Variants in EML6 observed in about 807,000 individuals in gnomAD.
EML6 encodes echinoderm microtubule-associated protein-like 6.
EML6 carries 154 observed loss-of-function variants against 240.1 expected under a neutral mutation model. The observed-to-expected ratio is 0.64, with a 90% CI of 0.56 to 0.73. EML6 has a LOEUF of 0.73. Among genes scored for constraint, EML6 ranks in the 30% least tolerant of loss-of-function variants. The pLI is 0.00. For missense variants in EML6, 2,964 were observed against 2,474.6 expected (o/e 1.20, Z -4.20); for synonymous variants, 1,148 against 899.0 (o/e 1.28, Z -4.95).
intron 10 of EML6, among the ~76,000 whole-genome samples, chr2:54,853,144 A>G (rs1156868579): frequency 1.3e-5 from 2 of 152,230 alleles, no homozygotes; most frequent in Non-Finnish European, 2.9e-5. Flanking sequence ...ATTATGAAAA[A>G]TAGAAGTTCA....
chr2:54,903,397 T>C lies in EML6; in HGVS notation c.3304T>C (p.Ser1102Pro). Residue 1102 changes from serine to proline, a missense_variant, in exon 24 of 42, where the codon TCC becomes CCC. Physicochemically the swap from Ser to Pro is moderately conservative, Grantham distance 74 (BLOSUM62 -1). Coordinates refer to ENST00000356458, the MANE Select transcript of EML6 (RefSeq NM_001039753.4). ...TACGGGAAAATACCTTGCCGTGGCA[T>C]CCCATGATAACTTTGTGGATATTTA... is the stretch of plus-strand genomic sequence containing the variant. Reference protein sequence around the residue: ...KDTGKYLAVASHDNFVDIYNV... With the variant: ...KDTGKYLAVAPHDNFVDIYNV... 6.4e-7 allele frequency: 1 copy of C among 1,551,730 alleles called. No individual in the cohort carries two copies. The highest frequency in any genetic ancestry group is 8.7e-7 in the Non-Finnish European group (1 of 1,146,960).
At chr2:54,789,239 C>T (rs550271190) in intron 2 of EML6, among the ~76,000 whole-genome samples, 2 of 151,994 alleles carry the variant, frequency 1.3e-5, no homozygotes, top group Non-Finnish European at 2.9e-5. Context: ...TCCGGCCGGG[C>T]GCGGTGGCTC....
intron 2 of EML6, among the ~76,000 whole-genome samples, chr2:54,737,521 A>G (rs1683450658): frequency 6.6e-6 from 1 of 151,262 alleles, no homozygotes; most frequent in Non-Finnish European, 1.5e-5. Context: ...CTGGTCTTGA[A>G]CTCCTGACCT....
intron 7 of EML6, among the ~76,000 whole-genome samples, chr2:54,841,101 G>A (rs576391288): frequency 0.042 from 946 of 22,724 alleles, 7 homozygotes; most frequent in African/African-American, 0.18. Flanking sequence ...GGACAAGGAG[G>A]GGGGGCTGTG....
intron 5 of EML6, among the ~76,000 whole-genome samples, chr2:54,823,295 A>G (rs908284231): frequency 1.3e-5 from 2 of 152,104 alleles, no homozygotes; most frequent in Non-Finnish European, 2.9e-5. Context: ...TTTGGTAGGA[A>G]GGGTCGGGAG....
At chr2:54,752,450 C>T (rs1684218727) in intron 2 of EML6, among the ~76,000 whole-genome samples, 1 of 152,170 alleles carries the variant, frequency 6.6e-6, no homozygotes, top group Non-Finnish European at 1.5e-5. Context: ...CCTACCACTT[C>T]CCAGTCATTA....
At chr2:54,885,037 G>A (rs554133851) in intron 17 of EML6, among the ~76,000 whole-genome samples, 1 of 152,014 alleles carries the variant, frequency 6.6e-6, no homozygotes, top group Non-Finnish European at 1.5e-5. Context: ...TGGTGCTGTA[G>A]TCCCAGCTGC....
At chr2:54,762,873 TG>T (rs1156270164) in intron 2 of EML6, among the ~76,000 whole-genome samples, 1 of 152,212 alleles carries the variant, frequency 6.6e-6, no homozygotes, top group Admixed American at 6.5e-5. Flanking sequence ...TGATCATTGC[TG>T]TGCCAGAATG....
chr2:54,758,976 A>G (rs1271074874), intron 2 of EML6, among the ~76,000 whole-genome samples: 9 of 151,732 alleles, frequency 5.9e-5, no homozygotes, highest in African/African-American at 1.9e-4. Flanking sequence ...ACTTCCACAT[A>G]TAGTACATAA....
chr2:54,809,668 T>G (rs753329621), intron 2 of EML6, among the ~76,000 whole-genome samples: 1 of 152,176 alleles, frequency 6.6e-6, no homozygotes, highest in Non-Finnish European at 1.5e-5. Flanking sequence ...GAACTAAAAT[T>G]CCAAAGATGT....
chr2:54,762,535 T>G (rs1266020647), intron 2 of EML6, among the ~76,000 whole-genome samples: 1 of 152,192 alleles, frequency 6.6e-6, no homozygotes, highest in Non-Finnish European at 1.5e-5. Context: ...AGATTTAGTA[T>G]CCGTTGCTAA....
Position 54,928,745 on chromosome 2 carries a change from A to G in EML6, c.3998A>G (p.Glu1333Gly), listed in dbSNP as rs1674698021. Residue 1333 changes from glutamate to glycine, a missense_variant, in exon 28 of 42, where the codon GAA becomes GGA. Glu to Gly is a moderately conservative substitution (Grantham distance 98). Coordinates refer to ENST00000356458, the MANE Select transcript of EML6 (RefSeq NM_001039753.4). ...CAGCAGCTGAAGGAAGTTTCCGTGG[A>G]AGAAAGGTATGGTGTTGCCAGGTTT... ...PHQQLKEVSV[E>G]ERPPVSRAAP... 6.4e-7 allele frequency: 1 copy of G among 1,551,842 alleles called. No individual in the cohort carries two copies.
intron 2 of EML6, among the ~76,000 whole-genome samples, chr2:54,743,675 CTT>C (rs903849082): frequency 2.6e-5 from 4 of 152,120 alleles, no homozygotes; most frequent in Non-Finnish European, 4.4e-5. Flanking sequence ...AGTCTCTAAA[CTT>C]TTTTTGATTG....
At position 54,725,342 on chromosome 2, in the gene EML6, G is replaced by A. The variant is rs941469857; in HGVS notation, c.197+84G>A. 3 of 1,063,974 alleles carry A rather than the reference G, an allele frequency of 2.8e-6. No individual in the cohort carries two copies. The highest frequency in any genetic ancestry group is 3.4e-5 in the African/African-American group (2 of 59,614). The allele number at this position is 1,063,974 out of a possible 1,614,324, so 65.9% of individuals were successfully genotyped here. A position where few individuals can be genotyped will look rare whatever the true frequency, so the allele number is the denominator to read the frequency against. On this transcript the variant is annotated intron_variant, in intron 2 of 41. Coordinates refer to ENST00000356458, the MANE Select transcript of EML6 (RefSeq NM_001039753.4). This position sits in a 1 kb window ranked among gnomAD's most constrained non-coding sequence, Gnocchi z 4.3. Reference sequence around the variant, plus strand: ...AAGCGGTTGACCTGGGGTCGGATCCGGGAGCCCCGTGGAATAGAGGATTCT... The same window carrying A: ...AAGCGGTTGACCTGGGGTCGGATCCAGGAGCCCCGTGGAATAGAGGATTCT...
Position 54,950,778 on chromosome 2 carries a change from A to T in EML6, c.4212A>T (p.Thr1404=), listed in dbSNP as rs1291757933. The change falls in exon 30 of 42, where the codon ACA becomes ACT. Residue 1404 remains threonine (T), a splice_region_variant and synonymous_variant. Coordinates refer to ENST00000356458, the MANE Select transcript of EML6 (RefSeq NM_001039753.4). Reference sequence around the variant, plus strand: ...CTGGCATCGTTCAGAACCTCTCCACAGGTAACCGGGGGTTAAAAAATACAG... The same window carrying T: ...CTGGCATCGTTCAGAACCTCTCCACTGGTAACCGGGGGTTAAAAAATACAG... ...AAAGIVQNLS[T]GSQSFYLEHT... is the part of the protein sequence containing the mutation. 1 of 1,549,834 alleles carries T rather than the reference A, an allele frequency of 6.5e-7. No homozygotes were observed. The highest frequency in any genetic ancestry group is 2.4e-5 in the East Asian group (1 of 40,898).
In EML6 at chr2:54,968,582, G is replaced by A. The variant is rs147502012; in HGVS notation, c.5752-86G>A. On this transcript the variant is annotated intron_variant, in intron 40 of 41. Transcript: ENST00000356458. ...TCCCCAGTGAAGGAAGGTTCTGGGA[G>A]CAGGGGATTTGAGTGCTGGAAGTAG... The A allele has an allele frequency of 5.8e-4, 469 of 808,732 alleles. 4 individuals are homozygous for A. The East Asian group carries it at 8.8e-3, about 15-fold the overall frequency. 50.1% of individuals were successfully genotyped at this position (808,732 alleles called of 1,614,324 possible).
chr2:54,847,868 G>C (rs1038665866), intron 9 of EML6, among the ~76,000 whole-genome samples: 1 of 152,152 alleles, frequency 6.6e-6, no homozygotes. Context: ...TTATAATCTA[G>C]TAATCTCTTA....
At chr2:54,961,184 G>GTTTTGTTTTTTTTTTTTTTTTTTTTT (rs1676485268) in intron 35 of EML6, among the ~76,000 whole-genome samples, 1 of 55,424 alleles carries the variant, frequency 1.8e-5, no homozygotes, top group Non-Finnish European at 3.2e-5. Context: ...TCAGGAAGTA[G>GTTTTGTTTTTTTTTTTTTTTTTTTTT]TTTTTTTTTT....
intron 38 of EML6, among the ~76,000 whole-genome samples, chr2:54,966,408 C>G (rs1457713309): frequency 6.6e-6 from 1 of 152,178 alleles, no homozygotes; most frequent in African/African-American, 2.4e-5. Flanking sequence ...GGAAGCTGAA[C>G]AGGAAGGGCA....
Sources: allele counts gnomAD v4.1 joint callset (sites outside exome capture counted in the v4.1 genomes callset), GRCh38; gene constraint gnomAD v4.1.1; non-coding constraint Gnocchi (gnomAD v3.1); transcripts MANE v1.5; gene names NCBI Gene and HGNC (gene_info 2026-07-23, HGNC 2026-07-21).